Variants in UNC13C observed in about 807,000 individuals in gnomAD.
UNC13C encodes protein unc-13 homolog C.
Under a neutral mutation model 245.4 loss-of-function variants are expected in UNC13C, and 174 were observed. The observed-to-expected ratio is 0.71, with a 90% CI of 0.63 to 0.80. The LOEUF is 0.80. Among genes scored for constraint, UNC13C ranks in the 30% least tolerant of loss-of-function variants. The probability of loss-of-function intolerance (pLI) is 0.00; values close to 1 mark genes in which losing one functional copy is unlikely to be tolerated. For missense variants in UNC13C, 2,829 were observed against 2,602.9 expected, an observed-to-expected ratio of 1.09 and a Z score of -1.89; for synonymous variants, 992 against 895.1, an observed-to-expected ratio of 1.11 and a Z score of -1.93.
At chr15:54,138,354 A>G (rs771703155) in intron 2 of UNC13C, among the ~76,000 whole-genome samples, 29 of 152,114 alleles carry the variant, frequency 1.9e-4, no homozygotes, top group Non-Finnish European at 4.0e-4. Flanking sequence ...GAGAATATGA[A>G]TGAATATATT....
chr15:53,909,136 G>A, the UNC13C span, among the ~76,000 whole-genome samples: 2 of 146,520 alleles, frequency 1.4e-5, 1 homozygote, highest in African/African-American at 4.9e-5. Context: ...CACTTCCTGA[G>A]TGCCAAAGTC....
intron 1 of UNC13C, among the ~76,000 whole-genome samples, chr15:53,996,873 CAG>C (rs1450674500): frequency 1.4e-5 from 2 of 146,080 alleles, no homozygotes; most frequent in Non-Finnish European, 3.0e-5. Flanking sequence ...AAAAAGCTAT[CAG>C]AAAAAATCTT....
chr15:54,500,748 A>G (rs1894170831), intron 21 of UNC13C, 87 bp from the exon 22 acceptor site: 1 of 1,078,196 alleles, frequency 9.3e-7, no homozygotes, highest in Non-Finnish European at 1.4e-6. Context: ...GATACGGGAG[A>G]TTCAGTTGTT....
intron 2 of UNC13C, among the ~76,000 whole-genome samples, chr15:54,142,316 CA>C (rs1434315824): frequency 2.0e-5 from 3 of 152,148 alleles, no homozygotes; most frequent in Admixed American, 6.5e-5. Flanking sequence ...CTGTTCTGTT[CA>C]GCTCACCTGA....
intron 29 of UNC13C, among the ~76,000 whole-genome samples, chr15:54,561,000 C>A (rs1029685025): frequency 2.0e-5 from 3 of 152,034 alleles, no homozygotes; most frequent in Non-Finnish European, 4.4e-5. Context: ...TACTCTACTG[C>A]AACCAGTGTG....
At chr15:54,250,198 C>A (rs775910352) in intron 7 of UNC13C, 27 bp from the exon 8 acceptor site, 2 of 1,593,670 alleles carry the variant, frequency 1.3e-6, no homozygotes, top group Non-Finnish European at 1.7e-6. Flanking sequence ...CTTGGCGGTG[C>A]ATTGGTAACT....
At chr15:54,179,197 A>G (rs2033715664) in intron 4 of UNC13C, among the ~76,000 whole-genome samples, 1 of 152,104 alleles carries the variant, frequency 6.6e-6, no homozygotes, top group Admixed American at 6.6e-5. Context: ...GGTAAGCTCA[A>G]CCAGATCCTT....
At chr15:54,600,676 GTTTGTTTTT>G (rs1387905940) in intron 30 of UNC13C, among the ~76,000 whole-genome samples, 1 of 152,002 alleles carries the variant, frequency 6.6e-6, no homozygotes, top group African/African-American at 2.4e-5. Context: ...ACCAATCAGT[GTTTGTTTTT>G]TATCTTTCTT....
chr15:54,061,761 T>C (rs993787668), intron 2 of UNC13C, among the ~76,000 whole-genome samples: 5 of 152,152 alleles, frequency 3.3e-5, no homozygotes, highest in Non-Finnish European at 7.3e-5. Flanking sequence ...TGCAGCCTGA[T>C]AATGGCTCTA....
intron 18 of UNC13C, among the ~76,000 whole-genome samples, chr15:54,414,540 G>C (rs962223299): frequency 6.6e-6 from 1 of 152,098 alleles, no homozygotes; most frequent in Admixed American, 6.6e-5. Context: ...CCAGCTACTT[G>C]GGAGGCTGAG....
intron 19 of UNC13C, chr15:54,416,964 A>G (rs1428481549): frequency 4.4e-6 from 2 of 456,478 alleles, no homozygotes; most frequent in Non-Finnish European, 8.8e-6. Flanking sequence ...AATCTTCATA[A>G]GCAGCCATGG....
chr15:53,842,111 A>T, the UNC13C span, among the ~76,000 whole-genome samples: 1 of 152,144 alleles, frequency 6.6e-6, no homozygotes, highest in African/African-American at 2.4e-5. Context: ...CTTTTCTTTG[A>T]CACTAAAAGT....
chr15:54,027,400 G>A (rs1443781359), intron 2 of UNC13C, among the ~76,000 whole-genome samples: 6 of 151,892 alleles, frequency 4.0e-5, no homozygotes, highest in Admixed American at 1.3e-4. Context: ...ACAGAGTCTC[G>A]CTCTGTCGCC....
At chr15:54,397,641 T>G (rs1193860522) in intron 18 of UNC13C, among the ~76,000 whole-genome samples, 1 of 151,456 alleles carries the variant, frequency 6.6e-6, no homozygotes, top group African/African-American at 2.4e-5. Flanking sequence ...CAATATTGAA[T>G]TTTATAATCC....
intron 18 of UNC13C, among the ~76,000 whole-genome samples, chr15:54,400,785 T>C (rs1388876964): frequency 1.3e-5 from 2 of 152,212 alleles, no homozygotes; most frequent in Non-Finnish European, 2.9e-5. Context: ...AGTTCTAGGG[T>C]ACATGTGCAC....
chr15:54,364,849 G>C (rs1420364125), intron 17 of UNC13C, among the ~76,000 whole-genome samples: 7 of 152,184 alleles, frequency 4.6e-5, no homozygotes, highest in Admixed American at 4.6e-4. Context: ...AGAAAACTGT[G>C]AATGAGTCTA....
chr15:54,200,067 A>G (rs1333359123), intron 4 of UNC13C, among the ~76,000 whole-genome samples: 1 of 145,434 alleles, frequency 6.9e-6, no homozygotes, highest in African/African-American at 2.5e-5. Flanking sequence ...TTAAAGCAAT[A>G]GCGGTTAAAA....
chr15:54,247,931 C>A (rs187120103), intron 7 of UNC13C, among the ~76,000 whole-genome samples: 225 of 152,152 alleles, frequency 1.5e-3, no homozygotes, highest in Non-Finnish European at 2.4e-3. Flanking sequence ...AGCAGAGTTA[C>A]TTATTTTTAT....
At chr15:54,098,864 T>G (rs1012429292) in intron 2 of UNC13C, among the ~76,000 whole-genome samples, 2 of 152,202 alleles carry the variant, frequency 1.3e-5, no homozygotes, top group Admixed American at 1.3e-4. Flanking sequence ...CTAAAGGACA[T>G]TTTCATTCCC....
Sources: gnomAD v4.1 joint callset for allele counts (sites outside exome capture counted in the v4.1 genomes callset) on GRCh38, gnomAD v4.1.1 for gene constraint, MANE v1.5 for transcripts, NCBI Gene and HGNC (gene_info 2026-07-23, HGNC 2026-07-21) for gene names.